Variants in RHOQ observed in about 807,000 individuals in gnomAD.
RHOQ encodes rho-related GTP-binding protein RhoQ.
Under a neutral mutation model 25.8 loss-of-function variants are expected in RHOQ, and 7 were observed. The ratio of observed to expected loss-of-function variants is 0.27; its 90% CI spans 0.15 to 0.51. The LOEUF is 0.51. RHOQ is among the 20% of genes least tolerant of loss of function. The pLI is 0.97. For synonymous variants in RHOQ, 97 were observed against 98.6 expected, an observed-to-expected ratio of 0.98 and a Z score of 0.10; for missense variants, 165 against 260.6, an observed-to-expected ratio of 0.63 and a Z score of 2.53.
intron 2 of RHOQ, among the ~76,000 whole-genome samples, chr2:46,551,356 C>T (rs1668237465): frequency 1.3e-5 from 2 of 152,176 alleles, no homozygotes; most frequent in Admixed American, 1.3e-4. Context: ...ATCTCATTTT[C>T]TCTGTGTGCC....
intron 2 of RHOQ, among the ~76,000 whole-genome samples, chr2:46,558,875 A>G (rs1275154298): frequency 1.3e-5 from 2 of 152,122 alleles, no homozygotes; most frequent in Admixed American, 1.3e-4. Flanking sequence ...TGTTTTTGAA[A>G]TGTGATTCTA....
At position 46,544,556 on chromosome 2, in the gene RHOQ, C is replaced by T. The variant is rs1667986467; in HGVS notation, c.201+744C>T. Among the ~76,000 whole-genome samples the T allele has an allele frequency of 2.6e-5, 4 of 152,216 alleles. No individual in the cohort carries two copies. The South Asian group carries it at 6.2e-4, about 24-fold the overall frequency. On this transcript the variant is annotated intron_variant, in intron 2 of 4. Coordinates refer to ENST00000238738, the MANE Select transcript of RHOQ (RefSeq NM_012249.4). ...CCCTGCAGCCTCTGGCCAGGGTTTG[C>T]ACATCAGAGGTGGCCAGGCTGTGCT...
rs559393190 is a variant in RHOQ, at chr2:46,584,232, G to A, written c.*3149G>A. ...ATACTATGCATAGTTTACTATCTAC[G>A]TAAAGCACTGAACTTTTTACCTTAG... On this transcript the variant is annotated 3_prime_UTR_variant, in exon 5 of 5. Coordinates refer to ENST00000238738, the MANE Select transcript of RHOQ (RefSeq NM_012249.4). Among the ~76,000 whole-genome samples the A allele has an allele frequency of 6.6e-6, 1 of 151,968 alleles. No homozygotes were observed. Among genetic ancestry groups the A allele is most frequent in the Non-Finnish European group, 1.5e-5 (1 of 67,966 alleles).
At chr2:46,546,584 A>G (rs1668077701) in intron 2 of RHOQ, among the ~76,000 whole-genome samples, 1 of 143,798 alleles carries the variant, frequency 7.0e-6, no homozygotes, top group African/African-American at 2.6e-5. Context: ...GGGCTTTGGA[A>G]CAAAACAGGC....
chr2:46,581,149 A>T lies in RHOQ; in HGVS notation c.*66A>T. 1 of 1,307,140 alleles carries T rather than the reference A, an allele frequency of 7.7e-7. No homozygotes were observed. Among genetic ancestry groups the T allele is most frequent in the South Asian group, 1.5e-5 (1 of 65,336 alleles). The allele number at this position is 1,307,140 out of a possible 1,614,324, so 81.0% of individuals were successfully genotyped here. A position where few individuals can be genotyped will look rare whatever the true frequency, so the allele number is the denominator to read the frequency against. On this transcript the variant is annotated 3_prime_UTR_variant, in exon 5 of 5. Transcript: ENST00000238738. ...AGAAAGCAAATGAAATGCTACAGCT[A>T]TACCCAGACCTTTTATAGGTAATGA...
intron 2 of RHOQ, among the ~76,000 whole-genome samples, 194 bp downstream of exon 2, chr2:46,544,006 C>A (rs113961821): frequency 2.6e-5 from 4 of 152,078 alleles, no homozygotes; most frequent in Non-Finnish European, 4.4e-5. Flanking sequence ...CCGGATAAGC[C>A]CCCCCCATGT....
chr2:46,559,982 C>T (rs964484048), intron 2 of RHOQ, among the ~76,000 whole-genome samples: 5 of 152,188 alleles, frequency 3.3e-5, no homozygotes, highest in African/African-American at 1.2e-4. Flanking sequence ...TCTGCCCTTA[C>T]CAGAGAATAA....
chr2:46,580,697 C>A (rs572266955), intron 4 of RHOQ: 18 of 362,300 alleles, frequency 5.0e-5, no homozygotes, highest in African/African-American at 3.8e-4. Context: ...CAGTGCTTGA[C>A]ATATAGTAGA....
intron 2 of RHOQ, among the ~76,000 whole-genome samples, chr2:46,573,230 AT>A (rs1668994816): frequency 1.3e-5 from 2 of 152,088 alleles, no homozygotes; most frequent in South Asian, 4.2e-4. Flanking sequence ...CGGCCAGATA[AT>A]TTTTGTATTT....
chr2:46,579,763 T>C (rs1227262013), intron 4 of RHOQ, among the ~76,000 whole-genome samples: 1 of 151,476 alleles, frequency 6.6e-6, no homozygotes, highest in Non-Finnish European at 1.5e-5. Context: ...CAGAACCGCT[T>C]GAACCCAGAA....
At chr2:46,547,290 C>T (rs181158458) in intron 2 of RHOQ, among the ~76,000 whole-genome samples, 1 of 152,342 alleles carries the variant, frequency 6.6e-6, no homozygotes, top group East Asian at 1.9e-4. Context: ...ATGGTCCCTG[C>T]CTTAACCCCA....
intron 4 of RHOQ, among the ~76,000 whole-genome samples, chr2:46,578,877 T>A (rs1669236837): frequency 6.6e-6 from 1 of 150,448 alleles, no homozygotes; most frequent in South Asian, 2.1e-4. Flanking sequence ...TTAATTATGT[T>A]GATTTAATCA....
chr2:46,580,236 C>G (rs2104041762), intron 4 of RHOQ: 1 of 152,608 alleles, frequency 6.6e-6, no homozygotes, highest in Non-Finnish European at 1.5e-5. Context: ...CCCCAGGCCT[C>G]CTGGTCTCCT....
Position 46,576,026 on chromosome 2 carries a change from A to G in RHOQ, c.202-61A>G. ...CATCTTTGACCATGTAATCTAATGTACATATTACTAGTAAACAATAGAAAT... is the reference window on the plus strand; with the variant it reads ...CATCTTTGACCATGTAATCTAATGTGCATATTACTAGTAAACAATAGAAAT... On this transcript the variant is annotated intron_variant, in intron 2 of 4. Transcript: ENST00000238738. The surrounding 1 kb of genome is among the most constrained non-coding windows in gnomAD (Gnocchi z 5.1). The G allele has an allele frequency of 7.0e-7, 1 of 1,418,460 alleles. No individual in the cohort carries two copies. Among genetic ancestry groups the G allele is most frequent in the Non-Finnish European group, 9.6e-7 (1 of 1,045,474 alleles). The allele number at this position is 1,418,460 out of a possible 1,614,324, so 87.9% of individuals were successfully genotyped here. A position where few individuals can be genotyped will look rare whatever the true frequency, so the allele number is the denominator to read the frequency against.
chr2:46,542,989 C>T lies in RHOQ; in HGVS notation c.-58C>T. 1.5e-6 allele frequency: 2 copies of T among 1,357,136 alleles called. No homozygotes were observed. The highest frequency in any genetic ancestry group is 9.6e-7 in the Non-Finnish European group (1 of 1,040,582). 84.1% of individuals were successfully genotyped at this position (1,357,136 alleles called of 1,614,324 possible). On this transcript the variant is annotated 5_prime_UTR_variant, in exon 1 of 5. Transcript: ENST00000238738. ...ACCCCCCAGGCGGGCTGGGGCTGAGCCCGGGGCCGGGGCGGGGGCTCCGGG... is the reference window on the plus strand; with the variant it reads ...ACCCCCCAGGCGGGCTGGGGCTGAGTCCGGGGCCGGGGCGGGGGCTCCGGG...
chr2:46,552,945 G>C lies in RHOQ; in HGVS notation c.201+9133G>C, dbSNP rs1253484859. Among the ~76,000 whole-genome samples the C allele has an allele frequency of 6.6e-6, 1 of 152,182 alleles. No homozygotes were observed. Among genetic ancestry groups the C allele is most frequent in the African/African-American group, 2.4e-5 (1 of 41,438 alleles). ...TTGTTTCCACGAAAGTTGTTTTTTAGCTGGAGAAAGTGATCAGTTTGGATT... is the reference window on the plus strand; with the variant it reads ...TTGTTTCCACGAAAGTTGTTTTTTACCTGGAGAAAGTGATCAGTTTGGATT... On this transcript the variant is annotated intron_variant, in intron 2 of 4. Coordinates refer to ENST00000238738, the MANE Select transcript of RHOQ (RefSeq NM_012249.4). The surrounding 1 kb of genome is among the most constrained non-coding windows in gnomAD (Gnocchi z 5.0).
Position 46,542,885 on chromosome 2 carries a change from C to G in RHOQ, c.-162C>G. On this transcript the variant is annotated 5_prime_UTR_variant, in exon 1 of 5. Coordinates refer to ENST00000238738, the MANE Select transcript of RHOQ (RefSeq NM_012249.4). ...CGGCAGCGCCCCGGGCCCGCCGCCC[C>G]CTCCCCTCCTGCGAGGGGAGCCGCT... 1 of 198,774 alleles carries G rather than the reference C, an allele frequency of 5.0e-6. No individual in the cohort carries two copies. The highest frequency in any genetic ancestry group is 1.6e-4 in the South Asian group (1 of 6,400). 12.3% of individuals were successfully genotyped at this position (198,774 alleles called of 1,614,324 possible). A position where few individuals can be genotyped will look rare whatever the true frequency, so the allele number is the denominator to read the frequency against.
At chr2:46,560,711 C>A in intron 2 of RHOQ, 1 of 434,798 alleles carries the variant, frequency 2.3e-6, no homozygotes, top group Non-Finnish European at 4.7e-6. Context: ...CTAATATTCT[C>A]ATTATGCAAT....
At chr2:46,578,312 T>G (rs1669207579) in intron 4 of RHOQ, among the ~76,000 whole-genome samples, 1 of 152,020 alleles carries the variant, frequency 6.6e-6, no homozygotes. Flanking sequence ...TCATGGACAC[T>G]TTTGATCAAG....
Sources: allele counts gnomAD v4.1 joint callset (sites outside exome capture counted in the v4.1 genomes callset), GRCh38; gene constraint gnomAD v4.1.1; non-coding constraint Gnocchi (gnomAD v3.1); transcripts MANE v1.5; gene names NCBI Gene and HGNC (gene_info 2026-07-23, HGNC 2026-07-21).